The following KCNQ2 variants were observed in gnomAD, a reference collection of about 807,000 sequenced individuals.
The protein encoded by KCNQ2 is potassium voltage-gated channel subfamily Q member 2.
In KCNQ2, 14 loss-of-function variants were observed where a neutral mutation model predicts 84.8. The ratio of observed to expected loss-of-function variants is 0.17; its 90% CI spans 0.11 to 0.26. The LOEUF (loss-of-function observed/expected upper bound fraction) is 0.26. Ranked by LOEUF, KCNQ2 falls within the 10% of genes least tolerant of loss-of-function variation. The pLI is 1.00. For missense variants in KCNQ2, 788 were observed against 1,254.0 expected (o/e 0.63, Z 5.61); for synonymous variants, 599 against 554.1 (o/e 1.08, Z -1.14).
intron 4 of KCNQ2, among the ~76,000 whole-genome samples, chr20:63,443,416 CACCACCAT>C (rs2081312363): frequency 2.1e-5 from 2 of 96,420 alleles, no homozygotes; most frequent in Non-Finnish European, 4.5e-5. Context: ...CCATCACCAT[CACCACCAT>C]CATCACCATC....
Position 63,407,018 on chromosome 20 carries a change from C to T in KCNQ2, c.2245G>A (p.Glu749Lys), listed in dbSNP as rs796052658. ...CCGCCGTAGGCGGACAGCGACCGCT[C>T]GTGGGCAGGCGGCGGCGGGATGCGC... ...LVRIPPPPAH[E>K]RSLSAYGGGN... The change falls in exon 17 of 17, where the codon GAG becomes AAG. Residue 749 changes from glutamate (E) to lysine (K), a missense_variant. Physicochemically the swap from Glu to Lys is moderately conservative, Grantham distance 56. Transcript: ENST00000359125. The surrounding 1 kb of genome is among the most constrained non-coding windows in gnomAD (Gnocchi z 7.2). The T allele has an allele frequency of 6.6e-7, 1 of 1,525,924 alleles. No individual in the cohort carries two copies. The highest frequency in any genetic ancestry group is 1.2e-5 in the South Asian group (1 of 82,724). The allele number at this position is 1,525,924 out of a possible 1,614,324, so 94.5% of individuals were successfully genotyped here. A position where few individuals can be genotyped will look rare whatever the true frequency, so the allele number is the denominator to read the frequency against.
In KCNQ2 at chr20:63,408,255, G is replaced by T. The variant is rs1393144944; in HGVS notation, c.1887+158C>A. The T allele has an allele frequency of 7.4e-6, 7 of 946,610 alleles. No homozygotes were observed. Among genetic ancestry groups the T allele is most frequent in the Non-Finnish European group, 1.1e-5 (7 of 630,812 alleles). The allele number at this position is 946,610 out of a possible 1,614,324, so 58.6% of individuals were successfully genotyped here. On this transcript the variant is annotated intron_variant, in intron 16 of 16. Transcript: ENST00000359125. This position sits in a 1 kb window ranked among gnomAD's most constrained non-coding sequence, Gnocchi z 5.0. ...GGAGGCTCACGGTGGGGTGTGAGGG[G>T]TCTGCACAGAGCAGCTGTCAGTGGT...
chr20:63,408,580 A>G lies in KCNQ2; in HGVS notation c.1764-44T>C, dbSNP rs1262408648. 1 of 1,603,486 alleles carries G rather than the reference A, an allele frequency of 6.2e-7. No individual in the cohort carries two copies. The highest frequency in any genetic ancestry group is 8.5e-7 in the Non-Finnish European group (1 of 1,177,014). On this transcript the variant is annotated intron_variant, in intron 15 of 16. Transcript: ENST00000359125. This position sits in a 1 kb window ranked among gnomAD's most constrained non-coding sequence, Gnocchi z 5.0. ...CCAAAGCATGAGTTCGGGTGGGTGCAGCAGGGCCCCTGCCCTCTCCTCCTG... is the reference window on the plus strand; with the variant it reads ...CCAAAGCATGAGTTCGGGTGGGTGCGGCAGGGCCCCTGCCCTCTCCTCCTG...
At position 63,417,026 on chromosome 20, in the gene KCNQ2, G is replaced by A. The variant is rs184860521; in HGVS notation, c.1302-1900C>T. Among the ~76,000 whole-genome samples, 205 of 152,326 alleles carry A rather than the reference G, an allele frequency of 1.3e-3. 1 individual carries two copies. The highest frequency in any genetic ancestry group is 2.5e-3 in the Non-Finnish European group (168 of 68,030). On this transcript the variant is annotated intron_variant, in intron 12 of 16. Transcript: ENST00000359125. ...GCCGAGATCCCCCGAGTCCCGAGGC[G>A]TCGCGTGCTTGGGGACGTCAGGAGC...
In KCNQ2 at chr20:63,413,586, AG is replaced by A. The variant is rs780923365; in HGVS notation, c.1632-6del. 6.5e-6 allele frequency: 7 copies of A among 1,072,836 alleles called. No homozygotes were observed. The highest frequency in any genetic ancestry group is 3.7e-5 in the South Asian group (3 of 80,078). 66.5% of individuals were successfully genotyped at this position (1,072,836 alleles called of 1,614,324 possible). On this transcript the variant is annotated splice_region_variant and splice_polypyrimidine_tract_variant and intron_variant, in intron 14 of 16. Transcript: ENST00000359125. The stretch of plus-strand genomic sequence containing the variant: ...GACACCAGGAACCGCATGACACTGC[AG>A]GGGGGTGGGTGGGGCTGTGAGCCCT...
intron 4 of KCNQ2, among the ~76,000 whole-genome samples, chr20:63,442,953 TCACCATCAC>T (rs2081255700): frequency 4.6e-5 from 1 of 21,872 alleles, no homozygotes; most frequent in Non-Finnish European, 9.0e-5. Context: ...ATCACCATCA[TCACCATCAC>T]CACCACCACC....
intron 15 of KCNQ2, among the ~76,000 whole-genome samples, chr20:63,413,078 C>T (rs902076751): frequency 3.9e-5 from 6 of 152,140 alleles, no homozygotes; most frequent in African/African-American, 1.4e-4. Context: ...TGTATGCACC[C>T]CACACACGTG....
chr20:63,411,699 G>T, intron 15 of KCNQ2: 3 of 565,652 alleles, frequency 5.3e-6, no homozygotes, highest in Non-Finnish European at 6.4e-6. Context: ...GTGGTACAAG[G>T]TGCTGCCGTC....
intron 1 of KCNQ2, among the ~76,000 whole-genome samples, chr20:63,470,326 T>C (rs1260091807): frequency 6.6e-6 from 1 of 152,252 alleles, no homozygotes; most frequent in East Asian, 1.9e-4. Flanking sequence ...GTTCAGACGT[T>C]GAGGGTCTCG....
At chr20:63,456,324 G>A (rs2081795539) in intron 1 of KCNQ2, among the ~76,000 whole-genome samples, 1 of 152,128 alleles carries the variant, frequency 6.6e-6, no homozygotes, top group Non-Finnish European at 1.5e-5. Context: ...TGGGGAAGAG[G>A]ACTCGACGCA....
rs993255126 is a variant in KCNQ2, at chr20:63,407,510, G to A, written c.1888-135C>T. On this transcript the variant is annotated intron_variant, in intron 16 of 16. Coordinates refer to ENST00000359125, the MANE Select transcript of KCNQ2 (RefSeq NM_172107.4). The surrounding 1 kb of genome is among the most constrained non-coding windows in gnomAD (Gnocchi z 7.2). The stretch of plus-strand genomic sequence containing the variant: ...GAGACCCAGGCTAGTCCCAGGAAAC[G>A]GGGGACCCAGGCTAGTCCCAGGAGA... 2.7e-5 allele frequency: 25 copies of A among 914,402 alleles called. No homozygotes were observed. The African/African-American group carries it at 3.0e-4, about 11-fold the overall frequency. The allele number at this position is 914,402 out of a possible 1,614,324, so 56.6% of individuals were successfully genotyped here.
At chr20:63,469,338 C>T (rs960456929) in intron 1 of KCNQ2, among the ~76,000 whole-genome samples, 1 of 152,250 alleles carries the variant, frequency 6.6e-6, no homozygotes, top group African/African-American at 2.4e-5. Context: ...TCAGAGAAGG[C>T]CCTGTCTCCA....
chr20:63,444,800 C>T lies in KCNQ2; in HGVS notation c.549G>A (p.Leu183=). 2 of 1,607,920 alleles carry T rather than the reference C, an allele frequency of 1.2e-6. No homozygotes were observed. Among genetic ancestry groups the T allele is most frequent in the Non-Finnish European group, 1.7e-6 (2 of 1,177,670 alleles). ...AGACGTTGCCCTGGGAGCCGGCGGC[C>T]AGCACCGCAATGGAGGCGATGAGCA... ...IMVLIASIAV[L]AAGSQGNVFA... Residue 183 remains leucine, a synonymous_variant, in exon 4 of 17, where the codon CTG becomes CTA. Transcript: ENST00000359125.
At chr20:63,424,828 C>T (rs1314897784) in intron 10 of KCNQ2, among the ~76,000 whole-genome samples, 1 of 152,212 alleles carries the variant, frequency 6.6e-6, no homozygotes, top group Non-Finnish European at 1.5e-5. Context: ...AGTGAGAGAT[C>T]GGCGGATCGT....
intron 9 of KCNQ2, among the ~76,000 whole-genome samples, chr20:63,430,822 G>A (rs746320470): frequency 8.5e-5 from 13 of 152,214 alleles, no homozygotes; most frequent in Non-Finnish European, 1.3e-4. Flanking sequence ...TAGCTGGCCC[G>A]CAGAGGCTGC....
At position 63,413,596 on chromosome 20, in the gene KCNQ2, G is replaced by T. The variant is rs1418478680; in HGVS notation, c.1632-15C>A. The T allele has an allele frequency of 1.1e-5, 17 of 1,611,072 alleles. No individual in the cohort carries two copies. Among genetic ancestry groups the T allele is most frequent in the Middle Eastern group, 1.7e-4 (1 of 6,000 alleles). ...ACCGCATGACACTGCAGGGGGGTGG[G>T]TGGGGCTGTGAGCCCTGGGCCAGAG... On this transcript the variant is annotated splice_polypyrimidine_tract_variant and intron_variant, in intron 14 of 16. Transcript: ENST00000359125.
chr20:63,414,821 C>T lies in KCNQ2; in HGVS notation c.1525+82G>A, dbSNP rs1448396194. The T allele has an allele frequency of 7.2e-6, 10 of 1,385,874 alleles. No individual in the cohort carries two copies. The highest frequency in any genetic ancestry group is 4.3e-5 in the African/African-American group (3 of 70,374). The allele number at this position is 1,385,874 out of a possible 1,614,324, so 85.8% of individuals were successfully genotyped here. On this transcript the variant is annotated intron_variant, in intron 13 of 16. Transcript: ENST00000359125. This position sits in a 1 kb window ranked among gnomAD's most constrained non-coding sequence, Gnocchi z 6.6. The stretch of plus-strand genomic sequence containing the variant: ...CAAGAGCAAGCAAAAGCAGCTGCGA[C>T]GCCACAGGGTGGCCACAGTAGCGTG...
intron 4 of KCNQ2, 110 bp downstream of exon 4, chr20:63,444,549 C>T: frequency 1.1e-6 from 1 of 878,086 alleles, no homozygotes; most frequent in Non-Finnish European, 1.6e-6. Flanking sequence ...TGACTCCATC[C>T]CTCCACCCAG....
intron 1 of KCNQ2, among the ~76,000 whole-genome samples, chr20:63,455,842 C>A (rs1176975420): frequency 2.3e-5 from 3 of 130,794 alleles, no homozygotes; most frequent in Non-Finnish European, 4.9e-5. Context: ...GGGCCCCCCA[C>A]CTCCGGGAGA....
Sources: allele counts gnomAD v4.1 joint callset (sites outside exome capture counted in the v4.1 genomes callset), GRCh38; gene constraint gnomAD v4.1.1; non-coding constraint Gnocchi (gnomAD v3.1); transcripts MANE v1.5; gene names NCBI Gene and HGNC (gene_info 2026-07-23, HGNC 2026-07-21).